Variants in RHBDL2 observed in about 807,000 individuals in gnomAD.
RHBDL2 encodes the protein rhomboid-related protein 2.
In RHBDL2, 26 loss-of-function variants were observed where a neutral mutation model predicts 31.7. The ratio of observed to expected loss-of-function variants is 0.82; its 90% CI spans 0.60 to 1.14. The LOEUF (loss-of-function observed/expected upper bound fraction) is 1.14, where lower values mean the gene tolerates loss of function less well. Among genes scored for constraint, RHBDL2 ranks in the 50% most tolerant of loss-of-function variants. The probability of loss-of-function intolerance (pLI) is 0.00; values close to 1 mark genes in which losing one functional copy is unlikely to be tolerated. For synonymous variants in RHBDL2, 123 were observed against 127.2 expected, an observed-to-expected ratio of 0.97 and a Z score of 0.22; for missense variants, 336 against 364.4, an observed-to-expected ratio of 0.92 and a Z score of 0.63.
chr1:38,926,104 T>A (rs1202384464), intron 1 of RHBDL2: 5 of 1,190,332 alleles, frequency 4.2e-6, no homozygotes, highest in African/African-American at 3.2e-5. Flanking sequence ...ACATTAACCA[T>A]GCCCAATATT....
intron 1 of RHBDL2, chr1:38,926,086 C>T (rs1320924982): frequency 4.4e-5 from 54 of 1,220,670 alleles, no homozygotes; most frequent in Non-Finnish European, 5.4e-5. Context: ...AAACGGATCC[C>T]ACTACAGACA....
chr1:38,918,967 C>T lies in RHBDL2; in HGVS notation c.246G>A (p.Glu82=). Reference sequence around the variant, plus strand: ...GGTGCCCACCCCGCTCCCCATTCACCTCGGCCAGGCTGATGGAGATGATGA... The same window carrying T: ...GGTGCCCACCCCGCTCCCCATTCACTTCGGCCAGGCTGATGGAGATGATGA... ...PVFIISISLA[E]LAVFIYYAVW... The change falls in exon 2 of 8, where the codon GAG becomes GAA. Residue 82 remains glutamate, a splice_region_variant and synonymous_variant. Transcript: ENST00000372990. The T allele has an allele frequency of 1.9e-6, 3 of 1,610,924 alleles. No homozygotes were observed. The highest frequency in any genetic ancestry group is 4.5e-5 in the East Asian group (2 of 44,816).
At chr1:38,901,774 G>A (rs1642992883) in intron 4 of RHBDL2, among the ~76,000 whole-genome samples, 2 of 151,438 alleles carry the variant, frequency 1.3e-5, no homozygotes, top group African/African-American at 4.8e-5. Flanking sequence ...GCAGGTTGCA[G>A]TGAGCTGAGA....
rs577395715 is a variant in RHBDL2, at chr1:38,887,377, G to A, written c.732+586C>T. On this transcript the variant is annotated intron_variant, in intron 7 of 7. Transcript: ENST00000372990. Reference sequence around the variant, plus strand: ...ACTACAGGCACATGCCACCATGCCTGGCTAAACCAACTGCTTTTTATTCTA... The same window carrying A: ...ACTACAGGCACATGCCACCATGCCTAGCTAAACCAACTGCTTTTTATTCTA... 1.8e-3 allele frequency among the ~76,000 whole-genome samples: 278 copies of A among 151,958 alleles called. 2 individuals are homozygous for A. Among genetic ancestry groups the A allele is most frequent in the African/African-American group, 6.2e-3 (255 of 41,446 alleles).
chr1:38,911,535 T>A, intron 3 of RHBDL2, 101 bp from the exon 4 acceptor site: 1 of 750,048 alleles, frequency 1.3e-6, no homozygotes, highest in Non-Finnish European at 2.3e-6. Flanking sequence ...AGTTAAGGAT[T>A]TGCTTAACTA....
intron 5 of RHBDL2, among the ~76,000 whole-genome samples, chr1:38,893,728 G>T (rs1642881265): frequency 6.6e-6 from 1 of 151,692 alleles, no homozygotes. Context: ...GGGCGCTCTT[G>T]GGGGGGTTCT....
chr1:38,914,568 A>G lies in RHBDL2; in HGVS notation c.395+994T>C, dbSNP rs117197431. Among the ~76,000 whole-genome samples the G allele has an allele frequency of 2.2e-3, 337 of 152,016 alleles. 3 individuals are homozygous for G. The highest frequency in any genetic ancestry group is 7.4e-3 in the African/African-American group (307 of 41,484). ...TGAACTAAATTTTGTTTGATGTATGATGGTGGAGGAGGAGACTGGTTATTC... is the reference window on the plus strand; with the variant it reads ...TGAACTAAATTTTGTTTGATGTATGGTGGTGGAGGAGGAGACTGGTTATTC... On this transcript the variant is annotated intron_variant, in intron 3 of 7. Coordinates refer to ENST00000372990, the MANE Select transcript of RHBDL2 (RefSeq NM_017821.5).
At chr1:38,888,755 C>G (rs1642817201) in intron 6 of RHBDL2, among the ~76,000 whole-genome samples, 1 of 152,198 alleles carries the variant, frequency 6.6e-6, no homozygotes, top group East Asian at 1.9e-4. Flanking sequence ...CCACCCCAGA[C>G]CTACTGAACC....
At chr1:38,889,136 C>T (rs1210957289) in intron 6 of RHBDL2, among the ~76,000 whole-genome samples, 2 of 152,160 alleles carry the variant, frequency 1.3e-5, no homozygotes, top group Non-Finnish European at 2.9e-5. Context: ...CTCTGTCGCC[C>T]AGGCTGGAAT....
chr1:38,905,589 G>GA (rs55769320), intron 4 of RHBDL2, among the ~76,000 whole-genome samples: 72,553 of 141,374 alleles, frequency 0.51, 20,907 homozygotes, highest in Non-Finnish European at 0.67. Flanking sequence ...GTCTCTACAG[G>GA]AAAAAAAAAA....
intron 1 of RHBDL2, among the ~76,000 whole-genome samples, chr1:38,937,017 G>A (rs1474396209): frequency 7.4e-5 from 11 of 147,812 alleles, no homozygotes; most frequent in South Asian, 2.2e-4. Context: ...GCACAGTCTC[G>A]GCTCACTGCA....
At chr1:38,908,715 G>T (rs1199513216) in intron 4 of RHBDL2, among the ~76,000 whole-genome samples, 1 of 152,016 alleles carries the variant, frequency 6.6e-6, no homozygotes, top group Non-Finnish European at 1.5e-5. Flanking sequence ...TGATCTAGGG[G>T]TGAATTTACA....
At chr1:38,894,895 C>T (rs1006943601) in intron 5 of RHBDL2, among the ~76,000 whole-genome samples, 7 of 151,760 alleles carry the variant, frequency 4.6e-5, no homozygotes, top group Admixed American at 2.0e-4. Context: ...TTAGTAGAGA[C>T]GGGGTTTCAC....
intron 5 of RHBDL2, among the ~76,000 whole-genome samples, chr1:38,895,097 G>A (rs537592037): frequency 1.3e-5 from 2 of 152,266 alleles, no homozygotes; most frequent in South Asian, 2.1e-4. Context: ...AAATCATGGT[G>A]CATCTATATA....
intron 2 of RHBDL2, among the ~76,000 whole-genome samples, chr1:38,918,098 G>A (rs1332952538): frequency 6.6e-6 from 1 of 152,078 alleles, no homozygotes; most frequent in Non-Finnish European, 1.5e-5. Context: ...GAAGATTTTG[G>A]ACTTGCCAAG....
intron 2 of RHBDL2, among the ~76,000 whole-genome samples, chr1:38,917,892 A>G (rs1643260500): frequency 6.6e-6 from 1 of 152,198 alleles, no homozygotes; most frequent in Admixed American, 6.5e-5. Flanking sequence ...TATGGTTTAT[A>G]CTAATATTTA....
At chr1:38,922,641 C>T (rs1643329406) in intron 1 of RHBDL2, among the ~76,000 whole-genome samples, 1 of 139,358 alleles carries the variant, frequency 7.2e-6, no homozygotes, top group Admixed American at 7.7e-5. Context: ...AGAACAGGGG[C>T]CTCTCTCTGA....
intron 5 of RHBDL2, among the ~76,000 whole-genome samples, chr1:38,894,251 T>C (rs1462440771): frequency 6.6e-6 from 1 of 152,188 alleles, no homozygotes; most frequent in Non-Finnish European, 1.5e-5. Flanking sequence ...AAAAACCACT[T>C]TTCTTAGTGA....
chr1:38,890,853 G>A (rs1356368602), intron 6 of RHBDL2, among the ~76,000 whole-genome samples: 2 of 151,832 alleles, frequency 1.3e-5, no homozygotes, highest in Non-Finnish European at 1.5e-5. Flanking sequence ...GGCCCACACC[G>A]CAACACCTGA....
Sources: gnomAD v4.1 joint callset for allele counts (sites outside exome capture counted in the v4.1 genomes callset) on GRCh38, gnomAD v4.1.1 for gene constraint, MANE v1.5 for transcripts, NCBI Gene and HGNC (gene_info 2026-07-23, HGNC 2026-07-21) for gene names.